The following FGGY variants were observed in gnomAD, a reference collection of about 807,000 sequenced individuals.
The protein encoded by FGGY is FGGY carbohydrate kinase domain containing, also known as FGGY carbohydrate kinase domain-containing protein.
In FGGY, 72 loss-of-function variants were observed where a neutral mutation model predicts 71.3. The ratio of observed to expected loss-of-function variants is 1.01; its 90% CI spans 0.84 to 1.23. The LOEUF is 1.23. Among genes scored for constraint, FGGY ranks in the 50% most tolerant of loss-of-function variants. FGGY has a pLI of 0.00. For missense variants in FGGY, 668 were observed against 682.3 expected (o/e 0.98, Z 0.23); for synonymous variants, 251 against 250.3 (o/e 1.00, Z -0.02).
Position 59,575,114 on chromosome 1 carries a change from G to A in FGGY, c.903+20887G>A, listed in dbSNP as rs192362880. 2.4e-4 allele frequency among the ~76,000 whole-genome samples: 37 copies of A among 152,152 alleles called. No homozygotes were observed. The East Asian group carries it at 6.7e-3, about 28-fold the overall frequency. ...ATTACCTCACATACTTTTTTGTGGT[G>A]AGAACATTTAAAATCTACTCTCTTA... On this transcript the variant is annotated intron_variant, in intron 8 of 15. Coordinates refer to ENST00000303721, the MANE Select transcript of FGGY (RefSeq NM_018291.5).
chr1:59,729,890 G>C (rs2100883445), intron 14 of FGGY, among the ~76,000 whole-genome samples: 1 of 152,230 alleles, frequency 6.6e-6, no homozygotes, highest in East Asian at 1.9e-4. Flanking sequence ...CTTTTGTAAA[G>C]TCTCTTCCTC....
At chr1:59,413,494 G>A (rs2153429761) in intron 5 of FGGY, among the ~76,000 whole-genome samples, 1 of 152,322 alleles carries the variant, frequency 6.6e-6, no homozygotes, top group Admixed American at 6.5e-5. Context: ...GGTGAGACAG[G>A]AGTATAACCA....
chr1:59,476,219 A>T (rs2093258951), intron 6 of FGGY, among the ~76,000 whole-genome samples: 1 of 152,232 alleles, frequency 6.6e-6, no homozygotes, highest in African/African-American at 2.4e-5. Flanking sequence ...CTTCTACTCC[A>T]GCAGTATTCT....
At chr1:59,670,056 G>T (rs556538848) in intron 13 of FGGY, among the ~76,000 whole-genome samples, 2 of 152,348 alleles carry the variant, frequency 1.3e-5, no homozygotes, top group African/African-American at 4.8e-5. Context: ...CTATGGACCA[G>T]TTACAGTTCC....
intron 4 of FGGY, among the ~76,000 whole-genome samples, chr1:59,369,128 G>A (rs1340061704): frequency 3.3e-5 from 5 of 152,244 alleles, no homozygotes; most frequent in Admixed American, 6.5e-5. Flanking sequence ...CACTCGGAAA[G>A]CGCAAGGGGT....
chr1:59,540,709 G>A (rs2095426835), intron 7 of FGGY, among the ~76,000 whole-genome samples: 1 of 152,104 alleles, frequency 6.6e-6, no homozygotes, highest in South Asian at 2.1e-4. Flanking sequence ...AAAGGCTCTG[G>A]GCCGCCCTGT....
chr1:59,626,276 T>C (rs1572274219), intron 10 of FGGY: 1 of 435,456 alleles, frequency 2.3e-6, no homozygotes. Flanking sequence ...CCAGGGACTA[T>C]AGATAAGAAA....
At position 59,542,186 on chromosome 1, in the gene FGGY, C is replaced by G. The variant is rs546713455; in HGVS notation, c.800-11938C>G. 3.9e-5 allele frequency among the ~76,000 whole-genome samples: 6 copies of G among 152,322 alleles called. No individual in the cohort carries two copies. In the East Asian group the frequency reaches 1.2e-3, roughly 29 times the overall value. On this transcript the variant is annotated intron_variant, in intron 7 of 15. Coordinates refer to ENST00000303721, the MANE Select transcript of FGGY (RefSeq NM_018291.5). ...TCTTGCCAAAAGGCTTGTTTGTCCT[C>G]TCTTGAAGCCATGATTAGTCTGCCT...
chr1:59,517,126 A>C (rs1177774358), intron 7 of FGGY, among the ~76,000 whole-genome samples: 6 of 151,834 alleles, frequency 4.0e-5, no homozygotes, highest in East Asian at 1.9e-4. Context: ...CCTGCTGCTG[A>C]TATTTTTCTA....
At chr1:59,737,368 T>G (rs2098114954) in intron 14 of FGGY, among the ~76,000 whole-genome samples, 1 of 152,184 alleles carries the variant, frequency 6.6e-6, no homozygotes, top group African/African-American at 2.4e-5. Context: ...ACTGACAGCT[T>G]ACACCATGTG....
intron 10 of FGGY, among the ~76,000 whole-genome samples, chr1:59,633,201 G>A (rs909582595): frequency 3.3e-5 from 5 of 151,860 alleles, no homozygotes; most frequent in Non-Finnish European, 5.9e-5. Context: ...TAGTAGAGAC[G>A]GGGTTTCACC....
chr1:59,392,539 G>A (rs1249843395), intron 5 of FGGY, among the ~76,000 whole-genome samples: 1 of 152,158 alleles, frequency 6.6e-6, no homozygotes, highest in African/African-American at 2.4e-5. Context: ...TCTGTAAGAT[G>A]TAGTGGGGTT....
At chr1:59,341,000 G>A (rs2050560705) in intron 3 of FGGY, among the ~76,000 whole-genome samples, 1 of 152,156 alleles carries the variant, frequency 6.6e-6, no homozygotes, top group Non-Finnish European at 1.5e-5. Context: ...CATATTTGGG[G>A]CTAGATTCTG....
At chr1:59,589,282 T>C (rs1433817495) in intron 8 of FGGY, among the ~76,000 whole-genome samples, 2 of 152,186 alleles carry the variant, frequency 1.3e-5, no homozygotes, top group African/African-American at 2.4e-5. Flanking sequence ...CGCAGTTTCA[T>C]AATGCAAGTC....
intron 11 of FGGY, among the ~76,000 whole-genome samples, chr1:59,647,177 C>A (rs2097102972): frequency 1.3e-5 from 2 of 152,110 alleles, no homozygotes; most frequent in South Asian, 4.2e-4. Context: ...AGGATAGAGT[C>A]CATTGTGTAT....
At chr1:59,491,053 T>TTCCTTCCCTCCCTCCCTC (rs1570025870) in intron 6 of FGGY, among the ~76,000 whole-genome samples, 3 of 2,038 alleles carry the variant, frequency 1.5e-3, no homozygotes, top group Non-Finnish European at 2.2e-3. Context: ...CTTCCTTCCT[T>TTCCTTCCCTCCCTCCCTC]CCTTCCTTCC....
At chr1:59,298,443 G>A (rs2042290519) in intron 1 of FGGY, among the ~76,000 whole-genome samples, 1 of 152,160 alleles carries the variant, frequency 6.6e-6, no homozygotes. Flanking sequence ...CTGGGAGAAG[G>A]GCATAACCCC....
chr1:59,344,017 T>C (rs1398489369), intron 3 of FGGY, among the ~76,000 whole-genome samples: 1 of 152,184 alleles, frequency 6.6e-6, no homozygotes, highest in African/African-American at 2.4e-5. Flanking sequence ...GAATAGGAGC[T>C]GGACATCAGT....
intron 7 of FGGY, among the ~76,000 whole-genome samples, chr1:59,544,873 C>T (rs547365838): frequency 2.6e-5 from 4 of 152,290 alleles, no homozygotes; most frequent in Middle Eastern, 3.4e-3. Context: ...CAGTTTTGTA[C>T]CATCTGGCTA....
Sources: allele counts gnomAD v4.1 joint callset (sites outside exome capture counted in the v4.1 genomes callset), GRCh38; gene constraint gnomAD v4.1.1; transcripts MANE v1.5; gene names NCBI Gene and HGNC (gene_info 2026-07-23, HGNC 2026-07-21).